CDC14A: variants seen among roughly 807,000 people sequenced by gnomAD.
CDC14A encodes cell division cycle 14A.
Under a neutral mutation model 74.4 loss-of-function variants are expected in CDC14A, and 53 were observed. That is an observed-to-expected ratio of 0.71 (90% CI 0.57 to 0.89). CDC14A has a LOEUF of 0.89. CDC14A is among the 40% of genes least tolerant of loss of function. The probability of loss-of-function intolerance (pLI) is 0.00; values close to 1 mark genes in which losing one functional copy is unlikely to be tolerated. For synonymous variants in CDC14A, 247 were observed against 258.4 expected (o/e 0.96, Z 0.43); for missense variants, 646 against 713.7 (o/e 0.91, Z 1.08).
intron 5 of CDC14A, among the ~76,000 whole-genome samples, chr1:100,431,094 A>G (rs1013972358): frequency 1.6e-4 from 24 of 152,232 alleles, no homozygotes; most frequent in African/African-American, 5.5e-4. Context: ...GTGTACCCCC[A>G]TGAAAAAAGA....
chr1:100,406,812 G>T (rs770601226), intron 4 of CDC14A, among the ~76,000 whole-genome samples: 8 of 151,924 alleles, frequency 5.3e-5, no homozygotes, highest in Admixed American at 1.3e-4. Context: ...TGTAATCCTA[G>T]CTTCTCAGGA....
chr1:100,388,977 C>A (rs988971835), intron 3 of CDC14A, among the ~76,000 whole-genome samples: 1 of 152,010 alleles, frequency 6.6e-6, no homozygotes, highest in Non-Finnish European at 1.5e-5. Flanking sequence ...GAGTTCGAGA[C>A]CAGCCTGGAC....
Position 100,419,659 on chromosome 1 carries a change from C to T in CDC14A, c.310-4563C>T, listed in dbSNP as rs1311613988. On this transcript the variant is annotated intron_variant, in intron 4 of 15. Coordinates refer to ENST00000336454, the MANE Select transcript of CDC14A (RefSeq NM_003672.4). ...GTAAATGGAGTCTCTCCTTTTTTGG[C>T]ATAAGTCTTCCACATTTGGTAAATC... 2.0e-5 allele frequency among the ~76,000 whole-genome samples: 3 copies of T among 152,002 alleles called. No homozygotes were observed. The East Asian group carries it at 5.8e-4, about 29-fold the overall frequency.
At chr1:100,358,529 C>T (rs1314045358) in intron 2 of CDC14A, among the ~76,000 whole-genome samples, 1 of 152,140 alleles carries the variant, frequency 6.6e-6, no homozygotes, top group Non-Finnish European at 1.5e-5. Flanking sequence ...ATTGAAAGTG[C>T]AGGAAAGAGC....
intron 4 of CDC14A, among the ~76,000 whole-genome samples, chr1:100,398,554 A>C (rs1658847382): frequency 6.6e-6 from 1 of 152,156 alleles, no homozygotes; most frequent in Non-Finnish European, 1.5e-5. Flanking sequence ...TCAGGTATTC[A>C]TTAGTTCAGT....
chr1:100,455,695 C>T (rs1666614818), intron 8 of CDC14A, among the ~76,000 whole-genome samples: 1 of 152,076 alleles, frequency 6.6e-6, no homozygotes, highest in Non-Finnish European at 1.5e-5. Context: ...TAGAACTTAA[C>T]AAATTTTTAG....
chr1:100,440,631 A>G (rs933932962), intron 6 of CDC14A, among the ~76,000 whole-genome samples: 26 of 152,342 alleles, frequency 1.7e-4, no homozygotes, highest in African/African-American at 6.3e-4. Flanking sequence ...AATCTCGAAC[A>G]TATAACTATG....
intron 11 of CDC14A, chr1:100,485,942 A>G (rs1669979292): frequency 6.6e-6 from 1 of 152,220 alleles, no homozygotes; most frequent in Non-Finnish European, 1.5e-5. Context: ...TCCTGATGAA[A>G]TGTACACCTT....
intron 11 of CDC14A, among the ~76,000 whole-genome samples, chr1:100,491,698 A>G (rs910753367): frequency 4.8e-5 from 7 of 147,156 alleles, no homozygotes; most frequent in African/African-American, 1.0e-4. Context: ...CAGTCTGCCA[A>G]GTAGCTGGGA....
intron 11 of CDC14A, among the ~76,000 whole-genome samples, chr1:100,487,817 G>T (rs1670196347): frequency 2.0e-5 from 3 of 152,130 alleles, no homozygotes; most frequent in African/African-American, 7.2e-5. Context: ...GTGGGTCTAG[G>T]TTAGGCTCCC....
At chr1:100,367,954 C>T (rs1324768902) in intron 2 of CDC14A, among the ~76,000 whole-genome samples, 3 of 152,184 alleles carry the variant, frequency 2.0e-5, no homozygotes, top group Non-Finnish European at 4.4e-5. Context: ...GAACTAGATC[C>T]TCACCTATTT....
At chr1:100,350,983 C>T (rs1436116479), upstream of CDC14A, among the ~76,000 whole-genome samples, 1 of 152,082 alleles carries the variant, frequency 6.6e-6, no homozygotes, top group Non-Finnish European at 1.5e-5. Flanking sequence ...TGCTTGTGCT[C>T]AGGAACTGGA....
chr1:100,514,431 T>A (rs1376681314), intron 15 of CDC14A, among the ~76,000 whole-genome samples: 1 of 152,226 alleles, frequency 6.6e-6, no homozygotes, highest in Non-Finnish European at 1.5e-5. Context: ...AAATATTTTT[T>A]AATAATTTTT....
chr1:100,346,958 T>C (rs1008549033), intron 1 of CDC14A, among the ~76,000 whole-genome samples: 41 of 152,184 alleles, frequency 2.7e-4, no homozygotes, highest in Non-Finnish European at 7.3e-5. Context: ...TTAGAAACAA[T>C]TGAAATTTTT....
intron 7 of CDC14A, among the ~76,000 whole-genome samples, chr1:100,446,720 G>A (rs1347457621): frequency 5.3e-5 from 8 of 151,984 alleles, no homozygotes; most frequent in Non-Finnish European, 7.4e-5. Context: ...TTTTTTGAGA[G>A]AGGGTCTCGC....
chr1:100,514,707 T>C (rs553683018), intron 15 of CDC14A, among the ~76,000 whole-genome samples: 49 of 152,354 alleles, frequency 3.2e-4, no homozygotes, highest in Middle Eastern at 3.4e-3. Flanking sequence ...GTCTGAAACA[T>C]TTAATGCGTG....
chr1:100,500,811 A>AGTGTGTGTGTGTGTGTGT (rs58424420), intron 15 of CDC14A, among the ~76,000 whole-genome samples: 5 of 131,252 alleles, frequency 3.8e-5, no homozygotes, highest in African/African-American at 1.4e-4. Context: ...ATGAGAATGC[A>AGTGTGTGTGTGTGTGTGT]GTGTGTGTGT....
At chr1:100,389,700 G>T (rs1657415187) in intron 3 of CDC14A, among the ~76,000 whole-genome samples, 1 of 151,980 alleles carries the variant, frequency 6.6e-6, no homozygotes. Flanking sequence ...CTTTTTTAAA[G>T]AGGTTCTAAA....
intron 15 of CDC14A, chr1:100,505,051 T>G: frequency 9.9e-7 from 1 of 1,014,338 alleles, no homozygotes; most frequent in Non-Finnish European, 1.4e-6. Flanking sequence ...TGTCTCCAAA[T>G]TTAAACTTCT....
Sources: gnomAD v4.1 joint callset for allele counts (sites outside exome capture counted in the v4.1 genomes callset) on GRCh38, gnomAD v4.1.1 for gene constraint, MANE v1.5 for transcripts, NCBI Gene and HGNC (gene_info 2026-07-23, HGNC 2026-07-21) for gene names.